The following SCPEP1 variants were observed in gnomAD, a reference collection of about 807,000 sequenced individuals.
SCPEP1 encodes serine carboxypeptidase 1.
Under a neutral mutation model 63.8 loss-of-function variants are expected in SCPEP1, and 51 were observed. The observed-to-expected ratio is 0.80, with a 90% confidence interval of 0.64 to 1.01. The LOEUF (loss-of-function observed/expected upper bound fraction) is 1.01, where lower values mean the gene tolerates loss of function less well. Among genes scored for constraint, SCPEP1 ranks in the 50% least tolerant of loss-of-function variants. SCPEP1 has a pLI of 0.00. For missense variants in SCPEP1, 499 were observed against 554.9 expected, an observed-to-expected ratio of 0.90 and a Z score of 1.01; for synonymous variants, 204 against 207.8, an observed-to-expected ratio of 0.98 and a Z score of 0.16.
intron 10 of SCPEP1, among the ~76,000 whole-genome samples, chr17:57,000,011 G>A (rs146284559): frequency 0.01 from 1,583 of 151,222 alleles, 33 homozygotes; most frequent in African/African-American, 0.037. Flanking sequence ...AGAGCTGGGC[G>A]TGGTGGTGTG....
Position 56,978,155 on chromosome 17 carries a change from T to C in SCPEP1, c.-5T>C. ...TGTTGCTGATGCTGCCGTGCGGTAC[T>C]TGTCATGGAGCTGGCACTGCGGCGC... On this transcript the variant is annotated 5_prime_UTR_variant, in exon 1 of 13. Transcript: ENST00000262288. 1.4e-6 allele frequency: 2 copies of C among 1,383,568 alleles called. No homozygotes were observed. Among genetic ancestry groups the C allele is most frequent in the South Asian group, 2.4e-5 (2 of 84,900 alleles). 85.7% of individuals were successfully genotyped at this position (1,383,568 alleles called of 1,614,324 possible).
chr17:56,981,037 A>G (rs771512521), intron 1 of SCPEP1, 45 bp from the exon 2 acceptor site: 2 of 1,609,602 alleles, frequency 1.2e-6, no homozygotes, highest in Admixed American at 3.3e-5. Flanking sequence ...ATTTACCTGT[A>G]CATTAGGCAC....
At position 57,000,871 on chromosome 17, in the gene SCPEP1, C is replaced by G; in HGVS notation, c.1011C>G (p.Val337=). The G allele has an allele frequency of 6.2e-7, 1 of 1,614,170 alleles. No homozygotes were observed. Among genetic ancestry groups the G allele is most frequent in the South Asian group, 1.1e-5 (1 of 91,080 alleles). The change falls in exon 11 of 13, where the codon GTC becomes GTG. Residue 337 remains valine (V), a synonymous_variant. Transcript: ENST00000262288. ...DQSWGGQATN[V]FVNMEEDFMK... is the part of the protein sequence containing the mutation. ...CATGTGCAGGCCAGGCTACCAACGT[C>G]TTTGTGAACATGGAGGAGGACTTCA...
At position 56,980,655 on chromosome 17, in the gene SCPEP1, G is replaced by A. The variant is rs183739798; in HGVS notation, c.77-427G>A. On this transcript the variant is annotated intron_variant, in intron 1 of 12. Coordinates refer to ENST00000262288, the MANE Select transcript of SCPEP1 (RefSeq NM_021626.3). ...AATACAAAATTAGCCAGGCGTGGTG[G>A]TGCATGCCTGTAATCCTAGCTACTT... Among the ~76,000 whole-genome samples, 890 of 152,138 alleles carry A rather than the reference G, an allele frequency of 5.8e-3. 8 individuals are homozygous for A. The highest frequency in any genetic ancestry group is 0.02 in the African/African-American group (819 of 41,510).
intron 2 of SCPEP1, among the ~76,000 whole-genome samples, chr17:56,981,903 C>T (rs1006100500): frequency 1.3e-5 from 2 of 152,198 alleles, no homozygotes; most frequent in African/African-American, 4.8e-5. Context: ...CCTCTCCATA[C>T]AATCCTTTCC....
chr17:57,000,691 C>T (rs898140495), intron 10 of SCPEP1, among the ~76,000 whole-genome samples, 164 bp from the exon 11 acceptor site: 5 of 152,200 alleles, frequency 3.3e-5, no homozygotes, highest in Non-Finnish European at 7.3e-5. Context: ...TGCCTTACAC[C>T]TGACCAGTCG....
chr17:56,992,498 A>G (rs1911430175), intron 6 of SCPEP1, among the ~76,000 whole-genome samples: 1 of 152,170 alleles, frequency 6.6e-6, no homozygotes, highest in African/African-American at 2.4e-5. Context: ...TGCAACCCAG[A>G]GGTGTGCTGT....
At chr17:57,001,922 T>C (rs1440193658) in intron 11 of SCPEP1, 96 bp from the exon 12 acceptor site, 3 of 1,260,584 alleles carry the variant, frequency 2.4e-6, no homozygotes, top group African/African-American at 1.5e-5. Context: ...TTCATGCATA[T>C]TGCAGTTTGG....
Position 56,995,087 on chromosome 17 carries a change from G to C in SCPEP1, c.657+69G>C, listed in dbSNP as rs1911507535. 3 of 1,361,780 alleles carry C rather than the reference G, an allele frequency of 2.2e-6. No homozygotes were observed. In the South Asian group the frequency reaches 3.5e-5, roughly 16 times the overall value. The allele number at this position is 1,361,780 out of a possible 1,614,324, so 84.4% of individuals were successfully genotyped here. On this transcript the variant is annotated intron_variant, in intron 7 of 12. Transcript: ENST00000262288. Reference sequence around the variant, plus strand: ...AGATCTCTTCTGGCTGTGACCCCAGGAAAAGAGATGCTGGATGAGTTTGCC... The same window carrying C: ...AGATCTCTTCTGGCTGTGACCCCAGCAAAAGAGATGCTGGATGAGTTTGCC...
intron 2 of SCPEP1, chr17:56,983,630 C>T (rs1911128277): frequency 6.6e-6 from 1 of 152,134 alleles, no homozygotes; most frequent in Non-Finnish European, 1.5e-5. Flanking sequence ...CTGCGGTTAA[C>T]ATCTTCATCT....
At position 56,988,390 on chromosome 17, in the gene SCPEP1, T is replaced by A. The variant is rs562800165; in HGVS notation, c.546+100T>A. The A allele has an allele frequency of 1.0e-4, 86 of 845,330 alleles. No individual in the cohort carries two copies. The African/African-American group carries it at 1.4e-3, about 14-fold the overall frequency. The allele number at this position is 845,330 out of a possible 1,614,324, so 52.4% of individuals were successfully genotyped here. On this transcript the variant is annotated intron_variant, in intron 5 of 12. Coordinates refer to ENST00000262288, the MANE Select transcript of SCPEP1 (RefSeq NM_021626.3). ...ATTAAATATACTTTGAATAGGGCCA[T>A]GTACATGCAGAGTACGATTAAATCT...
chr17:56,998,355 T>C (rs952537242), intron 9 of SCPEP1, 30 bp from the exon 10 acceptor site: 11 of 1,511,528 alleles, frequency 7.3e-6, no homozygotes, highest in African/African-American at 4.1e-5. Context: ...TTCCAGCCCT[T>C]TGACTCACTA....
Position 56,985,210 on chromosome 17 carries a change from G to A in SCPEP1, c.226-168G>A, listed in dbSNP as rs1022469609. 6 of 624,630 alleles carry A rather than the reference G, an allele frequency of 9.6e-6. No homozygotes were observed. The African/African-American group carries it at 1.1e-4, about 11-fold the overall frequency. 38.7% of individuals were successfully genotyped at this position (624,630 alleles called of 1,614,324 possible). A position where few individuals can be genotyped will look rare whatever the true frequency, so the allele number is the denominator to read the frequency against. Reference sequence around the variant, plus strand: ...AGAGAAAAACCTCAGCAGTTACTAGGGGAGCTTTGCTAATGTGGAAGTCCC... The same window carrying A: ...AGAGAAAAACCTCAGCAGTTACTAGAGGAGCTTTGCTAATGTGGAAGTCCC... On this transcript the variant is annotated intron_variant, in intron 2 of 12. Coordinates refer to ENST00000262288, the MANE Select transcript of SCPEP1 (RefSeq NM_021626.3).
chr17:56,997,145 CAT>C (rs1406743716), intron 9 of SCPEP1, 90 bp downstream of exon 9: 3 of 773,986 alleles, frequency 3.9e-6, no homozygotes, highest in Non-Finnish European at 4.0e-6. Flanking sequence ...ACTTTATTAA[CAT>C]ATAATTTGCA....
At position 56,985,391 on chromosome 17, in the gene SCPEP1, G is replaced by T; in HGVS notation, c.239G>T (p.Gly80Val). ...TCTCTTCCATAGGGCGGTCCAGGCG[G>T]TTCTAGCACTGGATTTGGAAACTTT... ...LVMWLQGGPG[G>V]SSTGFGNFEE... Residue 80 changes from glycine to valine, a missense_variant, in exon 3 of 13, where the codon GGT becomes GTT. Coordinates refer to ENST00000262288, the MANE Select transcript of SCPEP1 (RefSeq NM_021626.3). 3 of 1,614,112 alleles carry T rather than the reference G, an allele frequency of 1.9e-6. No homozygotes were observed. Among genetic ancestry groups the T allele is most frequent in the Non-Finnish European group, 2.5e-6 (3 of 1,179,972 alleles).
intron 5 of SCPEP1, among the ~76,000 whole-genome samples, chr17:56,990,789 G>A (rs1911372083): frequency 2.0e-5 from 3 of 151,814 alleles, no homozygotes; most frequent in South Asian, 2.1e-4. Context: ...GAGCACTACC[G>A]TGCCTGGCTA....
In SCPEP1 at chr17:57,000,729, T is replaced by C. The variant is rs966357672; in HGVS notation, c.995-126T>C. On this transcript the variant is annotated intron_variant, in intron 10 of 12. Coordinates refer to ENST00000262288, the MANE Select transcript of SCPEP1 (RefSeq NM_021626.3). ...ACAAATTTCTGGGCTGGTTCATCCC[T>C]GTTTGTGAAGCATCTGTGCATTCAG... The C allele has an allele frequency of 8.9e-6, 10 of 1,117,642 alleles. No individual in the cohort carries two copies. The African/African-American group carries it at 1.1e-4, about 12-fold the overall frequency. The allele number at this position is 1,117,642 out of a possible 1,614,324, so 69.2% of individuals were successfully genotyped here.
At chr17:57,001,091 A>G in intron 11 of SCPEP1, 99 bp downstream of exon 11, 2 of 1,286,286 alleles carry the variant, frequency 1.6e-6, no homozygotes, top group Non-Finnish European at 2.2e-6. Flanking sequence ...GGTGATGTTG[A>G]AATGCCAGGT....
At chr17:57,001,046 A>T in intron 11 of SCPEP1, 54 bp downstream of exon 11, 1 of 1,593,998 alleles carries the variant, frequency 6.3e-7, no homozygotes, top group South Asian at 1.1e-5. Context: ...TTCAACTGGA[A>T]GGGAACTGGC....
Sources: gnomAD v4.1 joint callset for allele counts (sites outside exome capture counted in the v4.1 genomes callset) on GRCh38, gnomAD v4.1.1 for gene constraint, MANE v1.5 for transcripts, NCBI Gene and HGNC (gene_info 2026-07-23, HGNC 2026-07-21) for gene names.